The following USP20 variants were observed in gnomAD, a reference collection of about 807,000 sequenced individuals.
The protein encoded by USP20 is ubiquitin specific peptidase 20, also known as ubiquitin carboxyl-terminal hydrolase 20.
A neutral mutation model predicts 124.2 loss-of-function variants in USP20; 80 were observed. The ratio of observed to expected loss-of-function variants is 0.64; its 90% CI spans 0.54 to 0.78. USP20 has a LOEUF of 0.78. Ranked by LOEUF, USP20 falls within the 30% of genes least tolerant of loss-of-function variation. The pLI, the probability that USP20 is intolerant of heterozygous loss-of-function variation, is 0.00. For missense variants in USP20, 1,043 were observed against 1,244.4 expected (o/e 0.84, Z 2.44); for synonymous variants, 481 against 512.3 (o/e 0.94, Z 0.83).
chr9:129,856,320 C>T lies in USP20; in HGVS notation c.95C>T (p.Ser32Leu), dbSNP rs181271773. ...CAACTCACACAGGGAACCTGTCAGT[C>T]GTGTGGGGTCACCGGACCAAACCTA... ...LLLKSKGTCQ[S>L]CGVTGPNLWA... The change falls in exon 4 of 26, where the codon TCG (serine) becomes TTG (leucine). Residue 32 changes from serine to leucine, a missense_variant. Coordinates refer to ENST00000372429, the MANE Select transcript of USP20 (RefSeq NM_001110303.4). The T allele has an allele frequency of 1.4e-4, 222 of 1,614,180 alleles. 1 individual carries two copies. In the Middle Eastern group the frequency reaches 1.5e-3, roughly 11 times the overall value.
intron 1 of USP20, among the ~76,000 whole-genome samples, chr9:129,845,099 A>G (rs2032462148): frequency 6.6e-6 from 1 of 152,162 alleles, no homozygotes; most frequent in Non-Finnish European, 1.5e-5. Flanking sequence ...ACACATGTTG[A>G]GGGCACTTCT....
chr9:129,869,768 C>G lies in USP20; in HGVS notation c.1489C>G (p.Pro497Ala). 6.2e-7 allele frequency: 1 copy of G among 1,614,064 alleles called. No homozygotes were observed. The change falls in exon 14 of 26, where the codon CCG (proline) becomes GCG (alanine). Residue 497 changes from proline to alanine, a missense_variant. Pro to Ala is a conservative substitution (Grantham distance 27). Transcript: ENST00000372429. ...CCATTCAGCCATCTACCAGAATGTG[C>G]CGGCCAAGCCAGGCGCCTGTGGGGA... ...KLHSAIYQNV[P>A]AKPGACGDSY...
intron 9 of USP20, among the ~76,000 whole-genome samples, chr9:129,864,691 T>C (rs1344489661): frequency 1.3e-5 from 2 of 150,632 alleles, no homozygotes; most frequent in Admixed American, 6.7e-5. Flanking sequence ...GGAGAATCAC[T>C]TGAACTCGGG....
chr9:129,853,792 A>T (rs997601657), intron 3 of USP20, among the ~76,000 whole-genome samples: 2 of 152,042 alleles, frequency 1.3e-5, no homozygotes, highest in South Asian at 4.1e-4. Context: ...CAGGGGGGGG[A>T]TGAAGCAGGT....
At chr9:129,838,049 T>A (rs1174145834) in intron 1 of USP20, among the ~76,000 whole-genome samples, 1 of 151,812 alleles carries the variant, frequency 6.6e-6, no homozygotes, top group Non-Finnish European at 1.5e-5. Flanking sequence ...ACAATTTTTT[T>A]TTTTTTTTTT....
intron 5 of USP20, 49 bp downstream of exon 5, chr9:129,858,161 G>T: frequency 6.3e-7 from 1 of 1,594,146 alleles, no homozygotes; most frequent in Non-Finnish European, 8.6e-7. Flanking sequence ...ATGGCCTGGG[G>T]TTCAAACCCC....
chr9:129,838,311 G>A (rs1433106416), intron 1 of USP20, among the ~76,000 whole-genome samples: 1 of 152,102 alleles, frequency 6.6e-6, no homozygotes, highest in East Asian at 1.9e-4. Flanking sequence ...CAAAGTGCTG[G>A]GATTACAGGT....
Position 129,843,065 on chromosome 9 carries a change from G to A in USP20, c.-128-6748G>A, listed in dbSNP as rs1401337793. 2.0e-4 allele frequency among the ~76,000 whole-genome samples: 30 copies of A among 151,812 alleles called. 1 individual carries two copies. Among genetic ancestry groups the A allele is most frequent in the Non-Finnish European group, 7.4e-5 (5 of 68,004 alleles). ...TAAATGTATATACTGTTTCTAAAGGGAAGCTTATCAATATCTATGTAGAGC... is the reference window on the plus strand; with the variant it reads ...TAAATGTATATACTGTTTCTAAAGGAAAGCTTATCAATATCTATGTAGAGC... On this transcript the variant is annotated intron_variant, in intron 1 of 25. Coordinates refer to ENST00000372429, the MANE Select transcript of USP20 (RefSeq NM_001110303.4).
chr9:129,838,105 G>A (rs1312429183), intron 1 of USP20, among the ~76,000 whole-genome samples: 2 of 150,786 alleles, frequency 1.3e-5, no homozygotes, highest in African/African-American at 4.9e-5. Flanking sequence ...GCAGTGGTGC[G>A]ATCTTGGCTC....
chr9:129,835,505 T>G lies in USP20; in HGVS notation c.-129+6T>G. 1 of 315,884 alleles carries G rather than the reference T, an allele frequency of 3.2e-6. No individual in the cohort carries two copies. Among genetic ancestry groups the G allele is most frequent in the Non-Finnish European group, 5.8e-6 (1 of 172,888 alleles). 19.6% of individuals were successfully genotyped at this position (315,884 alleles called of 1,614,324 possible). A position where few individuals can be genotyped will look rare whatever the true frequency, so the allele number is the denominator to read the frequency against. ...CGGCGCAGTTGCGAGTGCAGGTGAGTTCCGGGCCGCCACCGGCTGCTTCTG... is the reference window on the plus strand; with the variant it reads ...CGGCGCAGTTGCGAGTGCAGGTGAGGTCCGGGCCGCCACCGGCTGCTTCTG... On this transcript the variant is annotated splice_donor_region_variant and intron_variant, in intron 1 of 25. Transcript: ENST00000372429.
intron 9 of USP20, among the ~76,000 whole-genome samples, chr9:129,864,469 CAAAAAAAAAA>C (rs575582320): frequency 1.5e-4 from 18 of 116,794 alleles, no homozygotes; most frequent in Admixed American, 1.8e-4. Flanking sequence ...GACCCTGTCT[CAAAAAAAAAA>C]AAAAAAAAAA....
chr9:129,836,755 A>C (rs2031867508), intron 1 of USP20, among the ~76,000 whole-genome samples: 1 of 152,174 alleles, frequency 6.6e-6, no homozygotes, highest in South Asian at 2.1e-4. Context: ...CCATATATTA[A>C]AGTCTCAAAG....
At chr9:129,877,919 C>T (rs2034476647) in intron 22 of USP20, among the ~76,000 whole-genome samples, 1 of 151,996 alleles carries the variant, frequency 6.6e-6, no homozygotes, top group African/African-American at 2.4e-5. Context: ...ACTAAAAACA[C>T]AAAAAGTAGC....
At chr9:129,840,850 A>G (rs141238435) in intron 1 of USP20, among the ~76,000 whole-genome samples, 1,799 of 147,958 alleles carry the variant, frequency 0.012, 17 homozygotes, top group Middle Eastern at 0.024. Flanking sequence ...AGCTCACTGC[A>G]ACCTCCGCCT....
intron 19 of USP20, 33 bp downstream of exon 19, chr9:129,874,988 T>G (rs1370163775): frequency 6.2e-7 from 1 of 1,608,610 alleles, no homozygotes; most frequent in East Asian, 2.2e-5. Flanking sequence ...TGGAGGAACC[T>G]CACCATCCCC....
At chr9:129,876,758 C>T (rs1260483490) in intron 22 of USP20, among the ~76,000 whole-genome samples, 3 of 152,084 alleles carry the variant, frequency 2.0e-5, no homozygotes, top group Non-Finnish European at 4.4e-5. Context: ...AGCCTCATCG[C>T]CCGGGTGCTG....
At chr9:129,866,088 C>T (rs1172549821) in intron 10 of USP20, among the ~76,000 whole-genome samples, 1 of 152,244 alleles carries the variant, frequency 6.6e-6, no homozygotes, top group Non-Finnish European at 1.5e-5. Context: ...GCCCTCCAGC[C>T]TCCTGCCCCA....
intron 13 of USP20, 123 bp downstream of exon 13, chr9:129,869,548 C>A: frequency 2.6e-6 from 4 of 1,529,420 alleles, no homozygotes; most frequent in Non-Finnish European, 3.6e-6. Context: ...GGGGAGGGCC[C>A]TGCCTGCGTG....
At chr9:129,844,371 A>T (rs1029397251) in intron 1 of USP20, among the ~76,000 whole-genome samples, 1 of 152,162 alleles carries the variant, frequency 6.6e-6, no homozygotes, top group African/African-American at 2.4e-5. Context: ...CACGCCTGTA[A>T]TCCCAGCACT....
Sources: allele counts gnomAD v4.1 joint callset (sites outside exome capture counted in the v4.1 genomes callset), GRCh38; gene constraint gnomAD v4.1.1; transcripts MANE v1.5; gene names NCBI Gene and HGNC (gene_info 2026-07-23, HGNC 2026-07-21).